CUBN: variants seen among roughly 807,000 people sequenced by gnomAD.
The protein encoded by CUBN is cubilin.
CUBN carries 282 observed loss-of-function variants against 405.3 expected under a neutral mutation model. The ratio of observed to expected loss-of-function variants is 0.70; its 90% CI spans 0.63 to 0.77. The LOEUF is 0.77. CUBN is among the 30% of genes least tolerant of loss of function. The pLI, the probability that CUBN is intolerant of heterozygous loss-of-function variation, is 0.00. For synonymous variants in CUBN, 1,684 were observed against 1,617.0 expected (o/e 1.04, Z -0.99); for missense variants, 4,514 against 4,475.2 (o/e 1.01, Z -0.25).
At chr10:16,890,679 G>C in intron 54 of CUBN, 152 bp from the exon 55 acceptor site, 1 of 830,800 alleles carries the variant, frequency 1.2e-6, no homozygotes, top group Non-Finnish European at 2.0e-6. Flanking sequence ...TTTCTTTTGA[G>C]AATAATTTTT....
chr10:17,068,057 A>G lies in CUBN; in HGVS notation c.3008+7T>C, dbSNP rs1279698179. 1.2e-6 allele frequency: 2 copies of G among 1,602,932 alleles called. No homozygotes were observed. Among genetic ancestry groups the G allele is most frequent in the East Asian group, 4.5e-5 (2 of 44,830 alleles). ...ATTGTTAAACAAACAAACAAACATAACCTTACCTTCCAAGGGATGTCTCAG... is the reference window on the plus strand; with the variant it reads ...ATTGTTAAACAAACAAACAAACATAGCCTTACCTTCCAAGGGATGTCTCAG... On this transcript the variant is annotated splice_region_variant and intron_variant, in intron 21 of 66. Transcript: ENST00000377833.
chr10:17,122,732 T>C, intron 6 of CUBN, 63 bp downstream of exon 6: 1 of 947,236 alleles, frequency 1.1e-6, no homozygotes, highest in South Asian at 1.4e-5. Context: ...TGCTCTTAAC[T>C]ATGGGATGTT....
chr10:17,114,368 G>T (rs1308270192), intron 7 of CUBN, among the ~76,000 whole-genome samples, 179 bp from the exon 8 acceptor site: 3 of 152,100 alleles, frequency 2.0e-5, no homozygotes, highest in Non-Finnish European at 4.4e-5. Flanking sequence ...CATGCAAAAA[G>T]GGAAACATCT....
At chr10:17,110,539 T>C (rs1836747726) in intron 9 of CUBN, among the ~76,000 whole-genome samples, 1 of 152,162 alleles carries the variant, frequency 6.6e-6, no homozygotes, top group African/African-American at 2.4e-5. Context: ...TTATTTTTTA[T>C]TTTTTTAAGA....
In CUBN at chr10:17,112,216, CTT is replaced by C. The variant is rs1401705927; in HGVS notation, c.884-1168_884-1167del. ...TATTCTTTGATTTAAGTAGAATCCT[CTT>C]CTAAGACTCTGCCTAAGAAAATTAT... On this transcript the variant is annotated intron_variant, in intron 8 of 66. Coordinates refer to ENST00000377833, the MANE Select transcript of CUBN (RefSeq NM_001081.4). Among the ~76,000 whole-genome samples the C allele has an allele frequency of 3.9e-5, 6 of 152,158 alleles. No homozygotes were observed. The East Asian group carries it at 1.2e-3, about 29-fold the overall frequency.
chr10:17,052,759 C>CAAAA (rs10574636), intron 22 of CUBN, among the ~76,000 whole-genome samples: 40 of 55,112 alleles, frequency 7.3e-4, no homozygotes, highest in South Asian at 1.1e-3. Flanking sequence ...GACTCAGTCT[C>CAAAA]AAAAAAAAAA....
At chr10:16,992,966 G>A (rs1017481821) in intron 28 of CUBN, among the ~76,000 whole-genome samples, 3 of 152,142 alleles carry the variant, frequency 2.0e-5, no homozygotes, top group East Asian at 1.9e-4. Context: ...CAGATTGTCC[G>A]TATCTCCTGT....
chr10:17,065,145 C>CAT (rs1282532842), intron 22 of CUBN, among the ~76,000 whole-genome samples: 1 of 132,300 alleles, frequency 7.6e-6, no homozygotes, highest in East Asian at 2.1e-4. Context: ...CCCCCCCACA[C>CAT]ACACATGCAC....
At chr10:17,055,770 G>A (rs2131831663) in intron 22 of CUBN, among the ~76,000 whole-genome samples, 1 of 152,212 alleles carries the variant, frequency 6.6e-6, no homozygotes, top group Non-Finnish European at 1.5e-5. Flanking sequence ...AGGAAATGAA[G>A]GAAGATCTGA....
At chr10:17,026,721 C>CA (rs1260947569) in intron 27 of CUBN, among the ~76,000 whole-genome samples, 2 of 152,034 alleles carry the variant, frequency 1.3e-5, no homozygotes, top group Non-Finnish European at 2.9e-5. Flanking sequence ...GGGGCAAATG[C>CA]AAAATCAAAT....
At chr10:16,964,658 A>C (rs1270519597) in intron 31 of CUBN, among the ~76,000 whole-genome samples, 1 of 152,154 alleles carries the variant, frequency 6.6e-6, no homozygotes, top group African/African-American at 2.4e-5. Context: ...GTGTTTCATC[A>C]CTCGGACGCA....
intron 29 of CUBN, among the ~76,000 whole-genome samples, chr10:16,986,650 C>T (rs1833434875): frequency 1.3e-5 from 2 of 152,142 alleles, no homozygotes; most frequent in African/African-American, 4.8e-5. Context: ...TTAGGAAGAG[C>T]CCTGTGTGGC....
intron 17 of CUBN, among the ~76,000 whole-genome samples, chr10:17,079,508 G>A (rs1167221879): frequency 6.6e-6 from 1 of 151,936 alleles, no homozygotes; most frequent in Non-Finnish European, 1.5e-5. Flanking sequence ...CAAAGTGCTG[G>A]AGTTACAGGC....
intron 31 of CUBN, chr10:16,965,969 T>C (rs751947103): frequency 2.1e-6 from 1 of 471,130 alleles, no homozygotes; most frequent in Non-Finnish European, 4.4e-6. Context: ...CGACCAAGTA[T>C]GATTAAACCT....
intron 17 of CUBN, among the ~76,000 whole-genome samples, chr10:17,074,686 A>T (rs1236390101): frequency 6.6e-6 from 1 of 152,174 alleles, no homozygotes; most frequent in Non-Finnish European, 1.5e-5. Flanking sequence ...TTGTACTGTC[A>T]TATTCATAGC....
At chr10:16,880,816 T>A (rs1840648004) in intron 56 of CUBN, among the ~76,000 whole-genome samples, 1 of 152,234 alleles carries the variant, frequency 6.6e-6, no homozygotes, top group Non-Finnish European at 1.5e-5. Context: ...CCTCAAAGAA[T>A]TCCCTTATTT....
chr10:17,064,940 G>T (rs894281388), intron 22 of CUBN, among the ~76,000 whole-genome samples: 2 of 152,030 alleles, frequency 1.3e-5, no homozygotes, highest in East Asian at 3.8e-4. Context: ...AATTTCATGC[G>T]GTAGTCTCTA....
At chr10:16,976,554 G>A (rs1352934852) in intron 31 of CUBN, among the ~76,000 whole-genome samples, 1 of 150,766 alleles carries the variant, frequency 6.6e-6, no homozygotes, top group East Asian at 2.0e-4. Flanking sequence ...TTGCTGTTTG[G>A]GTTCCTTGAG....
In CUBN at chr10:16,937,677, G is replaced by A. The variant is rs199868206; in HGVS notation, c.5841C>T (p.Ser1947=). 6.1e-5 allele frequency: 98 copies of A among 1,613,838 alleles called. 1 individual carries two copies. The highest frequency in any genetic ancestry group is 5.1e-4 in the East Asian group (23 of 44,880). ...TGNSLTFHFY[S]DSSISGKGFL... is the part of the protein sequence containing the mutation. ...ATCCCTTCCCTGAGATTGAAGAGTC[G>A]GAGTAAAAATGAAATGTCAAAGAAT... Residue 1947 remains serine (S), a synonymous_variant, in exon 39 of 67, where the codon TCC becomes TCT. Coordinates refer to ENST00000377833, the MANE Select transcript of CUBN (RefSeq NM_001081.4).
Sources: gnomAD v4.1 joint callset for allele counts (sites outside exome capture counted in the v4.1 genomes callset) on GRCh38, gnomAD v4.1.1 for gene constraint, MANE v1.5 for transcripts, NCBI Gene and HGNC (gene_info 2026-07-23, HGNC 2026-07-21) for gene names.